The following SMARCC1 variants were observed in gnomAD, a reference collection of about 807,000 sequenced individuals.
SMARCC1 encodes the protein SWI/SNF related BAF chromatin remodeling complex subunit C1.
A neutral mutation model predicts 147.4 loss-of-function variants in SMARCC1; 43 were observed. The observed-to-expected ratio is 0.29, with a 90% CI of 0.23 to 0.38. The LOEUF (loss-of-function observed/expected upper bound fraction) is 0.38, where lower values mean the gene tolerates loss of function less well. SMARCC1 is among the 10% of genes least tolerant of loss of function. The probability of loss-of-function intolerance (pLI) is 1.00; values close to 1 mark genes in which losing one functional copy is unlikely to be tolerated. For missense variants in SMARCC1, 1,119 were observed against 1,381.1 expected (o/e 0.81, Z 3.01); for synonymous variants, 495 against 484.4 (o/e 1.02, Z -0.29).
chr3:47,718,988 C>T (rs150507726), intron 7 of SMARCC1, among the ~76,000 whole-genome samples: 6,786 of 152,184 alleles, frequency 0.045, 510 homozygotes, highest in African/African-American at 0.15. Flanking sequence ...TCTCGGCTCA[C>T]GGCAAGCTCC....
intron 27 of SMARCC1, 40 bp downstream of exon 27, chr3:47,590,621 C>A: frequency 6.8e-7 from 1 of 1,468,420 alleles, no homozygotes; most frequent in Non-Finnish European, 9.0e-7. Flanking sequence ...CCCTCCAGAA[C>A]GGACCCTGAG....
chr3:47,715,709 T>A (rs1207075251), intron 7 of SMARCC1, among the ~76,000 whole-genome samples: 2 of 152,218 alleles, frequency 1.3e-5, no homozygotes, highest in African/African-American at 2.4e-5. Flanking sequence ...TGGCTTGCCA[T>A]GGCTTCAAGA....
At chr3:47,727,851 A>G (rs1441287187) in intron 6 of SMARCC1, among the ~76,000 whole-genome samples, 1 of 151,976 alleles carries the variant, frequency 6.6e-6, no homozygotes, top group Non-Finnish European at 1.5e-5. Context: ...TTGGCCTCCC[A>G]GAGTGCTGGG....
chr3:47,716,449 A>T (rs866417761), intron 7 of SMARCC1, among the ~76,000 whole-genome samples: 2 of 148,700 alleles, frequency 1.3e-5, no homozygotes, highest in African/African-American at 4.9e-5. Context: ...ACCCAACCTT[A>T]TACTCTTCCA....
intron 9 of SMARCC1, among the ~76,000 whole-genome samples, chr3:47,706,892 T>C (rs1332425458): frequency 6.6e-6 from 1 of 152,100 alleles, no homozygotes; most frequent in South Asian, 2.1e-4. Context: ...ACTGACAAAA[T>C]ACAAAGACAG....
rs539557930 is a variant in SMARCC1 at position 47,659,700 on chromosome 3, C to G, written c.2320+1594G>C. 2.4e-4 allele frequency among the ~76,000 whole-genome samples: 31 copies of G among 127,650 alleles called. No homozygotes were observed. The South Asian group carries it at 6.4e-3, about 26-fold the overall frequency. 83.7% of individuals were successfully genotyped at this position (127,650 alleles called of 152,430 possible). A position where few individuals can be genotyped will look rare whatever the true frequency, so the allele number is the denominator to read the frequency against. The stretch of plus-strand genomic sequence containing the variant: ...GTATACAGAAACTCTGTAATGTCTA[C>G]TGAATTTTGCTATGAACCTAAAACT... On this transcript the variant is annotated intron_variant, in intron 21 of 27. Coordinates refer to ENST00000254480, the MANE Select transcript of SMARCC1 (RefSeq NM_003074.4).
intron 2 of SMARCC1, among the ~76,000 whole-genome samples, chr3:47,754,289 G>A (rs1364802469): frequency 4.6e-5 from 7 of 150,682 alleles, no homozygotes; most frequent in Non-Finnish European, 8.8e-5. Context: ...TGCAACCTCC[G>A]CCTCCCAGGT....
At chr3:47,780,168 G>GGTTT (rs71625832) in intron 1 of SMARCC1, among the ~76,000 whole-genome samples, 1 of 61,882 alleles carries the variant, frequency 1.6e-5, no homozygotes, top group African/African-American at 6.6e-5. Flanking sequence ...GTTTTTTTTT[G>GGTTT]TTTTTTTTTT....
At chr3:47,643,683 T>C (rs1005649668) in intron 21 of SMARCC1, among the ~76,000 whole-genome samples, 2 of 152,216 alleles carry the variant, frequency 1.3e-5, no homozygotes, top group African/African-American at 4.8e-5. Context: ...AAAAGTTATT[T>C]TCACAGTATT....
chr3:47,707,596 G>A (rs1206689931), intron 9 of SMARCC1, among the ~76,000 whole-genome samples: 1 of 152,068 alleles, frequency 6.6e-6, no homozygotes, highest in Non-Finnish European at 1.5e-5. Context: ...CAATTAGGCT[G>A]GTCACGGTGG....
At chr3:47,658,443 G>A (rs879317951) in intron 21 of SMARCC1, among the ~76,000 whole-genome samples, 6 of 152,102 alleles carry the variant, frequency 3.9e-5, no homozygotes, top group African/African-American at 9.7e-5. Flanking sequence ...CCTCCATTCC[G>A]CTTATGCAGA....
chr3:47,758,031 C>T (rs1372243498), intron 2 of SMARCC1, among the ~76,000 whole-genome samples: 1 of 152,032 alleles, frequency 6.6e-6, no homozygotes, highest in African/African-American at 2.4e-5. Flanking sequence ...CTGCAAATTA[C>T]CCCAAAAGCC....
At chr3:47,772,371 C>T (rs1249965014) in intron 2 of SMARCC1, among the ~76,000 whole-genome samples, 4 of 152,170 alleles carry the variant, frequency 2.6e-5, no homozygotes, top group Non-Finnish European at 5.9e-5. Flanking sequence ...CCAGCCTGGG[C>T]AACAGAACAA....
chr3:47,641,834 G>A (rs568059140), intron 21 of SMARCC1, among the ~76,000 whole-genome samples: 12 of 152,132 alleles, frequency 7.9e-5, no homozygotes, highest in South Asian at 2.1e-4. Context: ...GTGCAGTGGC[G>A]AGACATAGCT....
chr3:47,626,457 TTA>T (rs2032811588), intron 24 of SMARCC1, among the ~76,000 whole-genome samples: 1 of 77,506 alleles, frequency 1.3e-5, no homozygotes, highest in Non-Finnish European at 3.2e-5. Context: ...GACCCTGTCT[TTA>T]AAAAAAAAAA....
At chr3:47,772,982 G>A in intron 1 of SMARCC1, 46 bp from the exon 2 acceptor site, 2 of 1,593,460 alleles carry the variant, frequency 1.3e-6, no homozygotes, top group Middle Eastern at 1.7e-4. Context: ...AATTTTTGCA[G>A]GAGAAAATGT....
intron 19 of SMARCC1, among the ~76,000 whole-genome samples, chr3:47,664,178 TAAAA>T (rs869131579): frequency 4.0e-5 from 4 of 98,968 alleles, no homozygotes; most frequent in African/African-American, 7.6e-5. Context: ...TAATAAACTC[TAAAA>T]AAAAAAAAAA....
At chr3:47,672,455 C>G (rs1354082885) in intron 18 of SMARCC1, among the ~76,000 whole-genome samples, 1 of 152,108 alleles carries the variant, frequency 6.6e-6, no homozygotes, top group African/African-American at 2.4e-5. Context: ...ATCCGCATGC[C>G]TCGGCCTCCC....
intron 14 of SMARCC1, among the ~76,000 whole-genome samples, chr3:47,683,236 C>T (rs1050575658): frequency 2.6e-5 from 4 of 151,798 alleles, no homozygotes; most frequent in Admixed American, 6.6e-5. Context: ...TTAGCAGAGA[C>T]GGGGTTTCAC....
Sources: allele counts gnomAD v4.1 joint callset (sites outside exome capture counted in the v4.1 genomes callset), GRCh38; gene constraint gnomAD v4.1.1; transcripts MANE v1.5; gene names NCBI Gene and HGNC (gene_info 2026-07-23, HGNC 2026-07-21).